Variants in OPCML observed in about 807,000 individuals in gnomAD.
The protein encoded by OPCML is opioid-binding protein/cell adhesion molecule.
In OPCML, 13 loss-of-function variants were observed where a neutral mutation model predicts 37.8. That is an observed-to-expected ratio of 0.34 (90% confidence interval 0.22 to 0.55). OPCML has a LOEUF of 0.55. Ranked by LOEUF, OPCML falls within the 20% of genes least tolerant of loss-of-function variation. OPCML has a pLI of 0.91. For missense variants in OPCML, 341 were observed against 435.6 expected (o/e 0.78, Z 1.93); for synonymous variants, 176 against 168.8 (o/e 1.04, Z -0.33).
rs56882175 is a variant in OPCML, at chr11:132,975,529, C to CAAAAA, written c.62-32524_62-32520dup. 6.3e-4 allele frequency among the ~76,000 whole-genome samples: 27 copies of CAAAAA among 42,800 alleles called. 2 individuals are homozygous for CAAAAA. Among genetic ancestry groups the CAAAAA allele is most frequent in the Non-Finnish European group, 8.1e-4 (19 of 23,464 alleles). The allele number at this position is 42,800 out of a possible 152,430, so 28.1% of individuals were successfully genotyped here. On this transcript the variant is annotated intron_variant, in intron 1 of 7. Coordinates refer to ENST00000524381, the MANE Select transcript of OPCML (RefSeq NM_001012393.5). ...CTGGATGTCCCATCCAGGTTTCAAG[C>CAAAAA]AAAAAAAAAAAAAAAAAAAAAAAAA...
chr11:133,040,736 G>T (rs778727138), intron 1 of OPCML, among the ~76,000 whole-genome samples: 37 of 152,084 alleles, frequency 2.4e-4, no homozygotes, highest in Admixed American at 1.9e-3. Flanking sequence ...AGAGCTGCAC[G>T]TATGTGACTG....
At chr11:132,737,591 A>G (rs1223174388) in intron 2 of OPCML, among the ~76,000 whole-genome samples, 1 of 152,186 alleles carries the variant, frequency 6.6e-6, no homozygotes, top group Non-Finnish European at 1.5e-5. Context: ...TGAATATAGG[A>G]TAATTTGCTT....
In OPCML at chr11:132,589,809, G is replaced by C. The variant is rs545419501; in HGVS notation, c.380-60623C>G. On this transcript the variant is annotated intron_variant, in intron 3 of 7. Coordinates refer to ENST00000524381, the MANE Select transcript of OPCML (RefSeq NM_001012393.5). ...GAATTGGAAAGGAAGTCTCTTTTGC[G>C]GAGGAGAAATTTTCCTTAGATATTT... Among the ~76,000 whole-genome samples the C allele has an allele frequency of 4.6e-5, 7 of 152,312 alleles. No homozygotes were observed. In the South Asian group the frequency reaches 1.5e-3, roughly 32 times the overall value.
intron 1 of OPCML, among the ~76,000 whole-genome samples, chr11:133,028,851 T>C (rs1947613659): frequency 6.7e-6 from 1 of 149,934 alleles, no homozygotes; most frequent in South Asian, 2.1e-4. Context: ...AAACAAAAAT[T>C]GACAATTGGG....
At chr11:132,554,871 T>TG in intron 3 of OPCML, among the ~76,000 whole-genome samples, 1 of 127,810 alleles carries the variant, frequency 7.8e-6, no homozygotes, top group East Asian at 2.4e-4. Context: ...AAGTTTTTTT[T>TG]TTTTTTTTTT....
chr11:132,595,532 A>T (rs1024382358), intron 3 of OPCML, among the ~76,000 whole-genome samples: 3 of 152,206 alleles, frequency 2.0e-5, no homozygotes, highest in Non-Finnish European at 4.4e-5. Context: ...AACCTATTTC[A>T]GCCCTGGGAG....
chr11:132,490,197 C>T (rs1199179502), intron 4 of OPCML, among the ~76,000 whole-genome samples: 1 of 151,876 alleles, frequency 6.6e-6, no homozygotes, highest in Admixed American at 6.6e-5. Context: ...TCTCACCTCT[C>T]TTGTAGTTCC....
At chr11:133,054,932 C>A (rs1591956498) in intron 1 of OPCML, among the ~76,000 whole-genome samples, 1 of 151,318 alleles carries the variant, frequency 6.6e-6, no homozygotes, top group South Asian at 2.1e-4. Flanking sequence ...TATAATGCTG[C>A]CTCCATGATA....
At chr11:132,585,772 C>A (rs965093796) in intron 3 of OPCML, among the ~76,000 whole-genome samples, 1 of 152,120 alleles carries the variant, frequency 6.6e-6, no homozygotes, top group African/African-American at 2.4e-5. Flanking sequence ...GGATAGTTAC[C>A]GCAATAAAAC....
At chr11:132,681,756 C>T (rs562280418) in intron 2 of OPCML, among the ~76,000 whole-genome samples, 1 of 152,086 alleles carries the variant, frequency 6.6e-6, no homozygotes, top group South Asian at 2.1e-4. Flanking sequence ...GAGATCGAGA[C>T]CATCCTGGCT....
At chr11:132,800,835 C>T (rs1001088658) in intron 2 of OPCML, among the ~76,000 whole-genome samples, 1 of 151,998 alleles carries the variant, frequency 6.6e-6, no homozygotes, top group East Asian at 1.9e-4. Context: ...GATCTAATAC[C>T]CATAAAATAT....
chr11:132,851,080 A>G (rs879776953), intron 2 of OPCML, among the ~76,000 whole-genome samples: 1 of 152,206 alleles, frequency 6.6e-6, no homozygotes, highest in Non-Finnish European at 1.5e-5. Flanking sequence ...CATATCCTTT[A>G]TTTATGAATA....
intron 1 of OPCML, among the ~76,000 whole-genome samples, chr11:133,373,455 AC>A (rs1433621991): frequency 2.1e-4 from 31 of 145,018 alleles, no homozygotes; most frequent in African/African-American, 7.4e-4. Context: ...ATATACACAC[AC>A]ACACACAAAA....
chr11:133,314,039 T>C (rs367891589), intron 1 of OPCML, among the ~76,000 whole-genome samples: 16,024 of 150,820 alleles, frequency 0.11, 868 homozygotes, highest in Admixed American at 0.16. Flanking sequence ...ATCGAGACCA[T>C]CCCGGCTAAC....
chr11:132,456,426 T>A (rs1394018792), intron 4 of OPCML, among the ~76,000 whole-genome samples: 3 of 152,228 alleles, frequency 2.0e-5, no homozygotes, highest in African/African-American at 7.2e-5. Flanking sequence ...TTAATTTTTT[T>A]AGAGTTCAGG....
chr11:132,668,129 G>C (rs1170165054), intron 2 of OPCML, among the ~76,000 whole-genome samples: 2 of 152,166 alleles, frequency 1.3e-5, no homozygotes, highest in Non-Finnish European at 2.9e-5. Context: ...TGGAATGAAA[G>C]AAATTATACA....
intron 1 of OPCML, among the ~76,000 whole-genome samples, chr11:133,023,245 A>G (rs569558688): frequency 7.9e-5 from 12 of 152,318 alleles, no homozygotes; most frequent in Non-Finnish European, 1.2e-4. Context: ...TCTGCTTAAA[A>G]TAGCTTTGGC....
At chr11:133,050,345 G>A (rs992678898) in intron 1 of OPCML, among the ~76,000 whole-genome samples, 2 of 152,156 alleles carry the variant, frequency 1.3e-5, no homozygotes, top group Non-Finnish European at 2.9e-5. Flanking sequence ...AACCCTGGCA[G>A]AGACACATCC....
intron 2 of OPCML, among the ~76,000 whole-genome samples, chr11:132,869,285 G>A (rs930040571): frequency 3.3e-5 from 5 of 152,280 alleles, no homozygotes; most frequent in South Asian, 2.1e-4. Flanking sequence ...AGCAAACACC[G>A]AATGCCCATC....
Sources: gnomAD v4.1 joint callset for allele counts (sites outside exome capture counted in the v4.1 genomes callset) on GRCh38, gnomAD v4.1.1 for gene constraint, MANE v1.5 for transcripts, NCBI Gene and HGNC (gene_info 2026-07-23, HGNC 2026-07-21) for gene names.